The following CFAP46 variants were observed in gnomAD, a reference collection of about 807,000 sequenced individuals.
CFAP46 encodes cilia- and flagella-associated protein 46.
In CFAP46, 245 loss-of-function variants were observed where a neutral mutation model predicts 325.7. That is an observed-to-expected ratio of 0.75 (90% CI 0.68 to 0.84). CFAP46 has a LOEUF of 0.84. Among genes scored for constraint, CFAP46 ranks in the 40% least tolerant of loss-of-function variants. CFAP46 has a pLI of 0.00. For synonymous variants in CFAP46, 1,523 were observed against 1,495.9 expected (o/e 1.02, Z -0.42); for missense variants, 3,346 against 3,543.0 (o/e 0.94, Z 1.41).
chr10:132,931,369 C>T (rs1849898429), intron 8 of CFAP46, among the ~76,000 whole-genome samples: 1 of 138,642 alleles, frequency 7.2e-6, no homozygotes, highest in African/African-American at 2.7e-5. Flanking sequence ...GGGCTTTCCT[C>T]CTCCCCACAC....
rs570889150 is a variant in CFAP46 at position 132,860,361 on chromosome 10, A to G, written c.5198+56T>C. ...CGTATGGCACAAAAATTGCAGATGG[A>G]AAAGAGGAAACCACAGCTTTCACGC... is the stretch of plus-strand genomic sequence containing the variant. On this transcript the variant is annotated intron_variant, in intron 37 of 57. Coordinates refer to ENST00000368586, the MANE Select transcript of CFAP46 (RefSeq NM_001200049.3). 1.4e-5 allele frequency: 20 copies of G among 1,403,934 alleles called. No individual in the cohort carries two copies. In the African/African-American group the frequency reaches 2.7e-4, roughly 19 times the overall value. The allele number at this position is 1,403,934 out of a possible 1,614,324, so 87.0% of individuals were successfully genotyped here.
At chr10:132,909,772 C>G (rs1849513374) in intron 20 of CFAP46, 147 bp downstream of exon 20, 2 of 730,820 alleles carry the variant, frequency 2.7e-6, no homozygotes, top group African/African-American at 1.8e-5. Flanking sequence ...CGGCGGTGAG[C>G]TCAGTGGGAA....
chr10:132,903,300 T>C (rs1000022934), intron 22 of CFAP46, among the ~76,000 whole-genome samples: 2 of 152,218 alleles, frequency 1.3e-5, no homozygotes. Flanking sequence ...TCTAGTCCTG[T>C]GCACACACAG....
intron 50 of CFAP46, among the ~76,000 whole-genome samples, chr10:132,824,117 CGCT>C (rs1847971444): frequency 1.2e-5 from 1 of 81,354 alleles, no homozygotes; most frequent in Non-Finnish European, 2.4e-5. Flanking sequence ...GTGCTGTGTG[CGCT>C]GATGTGTGCT....
At position 132,912,240 on chromosome 10, in the gene CFAP46, T is replaced by TGTC. The variant is rs1316085137; in HGVS notation, c.2499+414_2499+415insGAC. 2.8e-4 allele frequency among the ~76,000 whole-genome samples: 26 copies of TGTC among 93,496 alleles called. 1 individual carries two copies. In the East Asian group the frequency reaches 5.6e-3, roughly 20 times the overall value. 61.3% of individuals were successfully genotyped at this position (93,496 alleles called of 152,430 possible). A position where few individuals can be genotyped will look rare whatever the true frequency, so the allele number is the denominator to read the frequency against. ...CTCTCTCTTCTCCTCTCTCCTGTCC[T>TGTC]CTTTCCTCTCTCTCTCTTCCCTCTC... On this transcript the variant is annotated intron_variant, in intron 19 of 57. Transcript: ENST00000368586.
chr10:132,843,659 CGGTG>C (rs1848383485), intron 44 of CFAP46, among the ~76,000 whole-genome samples: 1 of 88,354 alleles, frequency 1.1e-5, no homozygotes, highest in Non-Finnish European at 2.3e-5. Context: ...GCTCTGGTCT[CGGTG>C]GGCGTTCCCA....
At position 132,835,394 on chromosome 10, in the gene CFAP46, G is replaced by T. The variant is rs758166218; in HGVS notation, c.6654C>A (p.Ala2218=). The change falls in exon 47 of 58, where the codon GCC becomes GCA. Residue 2218 remains alanine, a synonymous_variant. Transcript: ENST00000368586. Reference sequence around the variant, plus strand: ...GGGCACAGGCCAGCAGGTGGGAGAAGGCAGTGGGACTTATGGCCAGACGCA... The same window carrying T: ...GGGCACAGGCCAGCAGGTGGGAGAATGCAGTGGGACTTATGGCCAGACGCA... ...KVMRLAISPT[A]FSHLLACAQQ... 1 of 1,613,690 alleles carries T rather than the reference G, an allele frequency of 6.2e-7. No homozygotes were observed. The highest frequency in any genetic ancestry group is 8.5e-7 in the Non-Finnish European group (1 of 1,179,952).
chr10:132,913,635 C>A (rs543256110), intron 17 of CFAP46, among the ~76,000 whole-genome samples: 5 of 152,342 alleles, frequency 3.3e-5, no homozygotes, highest in African/African-American at 1.2e-4. Flanking sequence ...TCCCACGAAA[C>A]CAGTCCCTGG....
Position 132,913,093 on chromosome 10 carries a change from G to A in CFAP46, c.2286C>T (p.Asp762=), listed in dbSNP as rs11146590. ...CGATGCTCAGGAGGTGGTACAGGGCGTCCACCAGCTCCTTCTGCCGCCCGG... is the reference window on the plus strand; with the variant it reads ...CGATGCTCAGGAGGTGGTACAGGGCATCCACCAGCTCCTTCTGCCGCCCGG... ...ILAGRQKELV[D]ALYHLLSIVK... is the part of the protein sequence containing the mutation. The change falls in exon 18 of 58, where the codon GAC becomes GAT. Residue 762 remains aspartate (D), a synonymous_variant. Transcript: ENST00000368586. 9,725 of 1,550,342 alleles carry A rather than the reference G, an allele frequency of 6.3e-3. 350 individuals are homozygous for A. The African/African-American group carries it at 0.098, about 16-fold the overall frequency.
At chr10:132,900,062 A>G (rs992440245) in intron 22 of CFAP46, among the ~76,000 whole-genome samples, 1 of 152,188 alleles carries the variant, frequency 6.6e-6, no homozygotes, top group African/African-American at 2.4e-5. Flanking sequence ...TAACCTTATG[A>G]GCGACCCCAA....
At chr10:132,863,502 G>A (rs1284947101) in intron 35 of CFAP46, among the ~76,000 whole-genome samples, 1 of 152,076 alleles carries the variant, frequency 6.6e-6, no homozygotes, top group Non-Finnish European at 1.5e-5. Context: ...TGCTATCAGA[G>A]ACCTGCACAC....
At position 132,814,139 on chromosome 10, in the gene CFAP46, C is replaced by A. The variant is rs1443653239; in HGVS notation, c.7388+13G>T. The A allele has an allele frequency of 6.2e-7, 1 of 1,610,484 alleles. No homozygotes were observed. Among genetic ancestry groups the A allele is most frequent in the African/African-American group, 1.3e-5 (1 of 74,870 alleles). On this transcript the variant is annotated intron_variant, in intron 54 of 57. Coordinates refer to ENST00000368586, the MANE Select transcript of CFAP46 (RefSeq NM_001200049.3). Reference sequence around the variant, plus strand: ...CCACACTGCAAACGGCTCCTGGGAGCCCAGATCCGAACCTGGGAAAGTGCT... The same window carrying A: ...CCACACTGCAAACGGCTCCTGGGAGACCAGATCCGAACCTGGGAAAGTGCT...
intron 7 of CFAP46, among the ~76,000 whole-genome samples, chr10:132,935,893 A>C (rs1353641890): frequency 9.6e-6 from 1 of 104,184 alleles, no homozygotes; most frequent in Non-Finnish European, 2.0e-5. Context: ...TGATCTCCTC[A>C]CTCCCCTCAT....
At chr10:132,824,592 ATGTGTGCTG>A (rs1199743924) in intron 50 of CFAP46, among the ~76,000 whole-genome samples, 8 of 80,088 alleles carry the variant, frequency 1.0e-4, no homozygotes, top group Non-Finnish European at 1.6e-4. Context: ...GTGAGTGCTG[ATGTGTGCTG>A]TGTGTGCTGT....
chr10:132,814,382 G>C (rs1048333106), intron 53 of CFAP46, 128 bp from the exon 54 acceptor site: 2 of 1,025,436 alleles, frequency 2.0e-6, no homozygotes, highest in Non-Finnish European at 2.9e-6. Context: ...ATGCCCGGGT[G>C]GGGTGATGGT....
At chr10:132,930,804 C>T (rs1849886126) in intron 8 of CFAP46, among the ~76,000 whole-genome samples, 1 of 83,842 alleles carries the variant, frequency 1.2e-5, no homozygotes. Context: ...TGGGCCTTCC[C>T]CACACTCCCC....
chr10:132,938,800 G>C (rs778135451), intron 4 of CFAP46, 47 bp from the exon 5 acceptor site: 2 of 1,575,614 alleles, frequency 1.3e-6, no homozygotes, highest in Admixed American at 1.7e-5. Flanking sequence ...AAGCCCAGCC[G>C]GCCCAAGCTG....
At chr10:132,856,044 G>A (rs1848636973) in intron 39 of CFAP46, among the ~76,000 whole-genome samples, 3 of 152,196 alleles carry the variant, frequency 2.0e-5, no homozygotes, top group Admixed American at 6.5e-5. Flanking sequence ...TTCAGCTCTC[G>A]AGTGTTTGGA....
At chr10:132,841,863 T>C (rs1848349880) in intron 44 of CFAP46, among the ~76,000 whole-genome samples, 1 of 152,068 alleles carries the variant, frequency 6.6e-6, no homozygotes, top group African/African-American at 2.4e-5. Flanking sequence ...CTCTGGCACA[T>C]CCACCAGTGC....
Sources: allele counts gnomAD v4.1 joint callset (sites outside exome capture counted in the v4.1 genomes callset), GRCh38; gene constraint gnomAD v4.1.1; transcripts MANE v1.5; gene names NCBI Gene and HGNC (gene_info 2026-07-23, HGNC 2026-07-21).